The following SEMA3C variants were observed in gnomAD, a reference collection of about 807,000 sequenced individuals.
SEMA3C encodes the protein semaphorin-3C.
In SEMA3C, 47 loss-of-function variants were observed where a neutral mutation model predicts 89.4. That is an observed-to-expected ratio of 0.53 (90% CI 0.42 to 0.67). The LOEUF (loss-of-function observed/expected upper bound fraction) is 0.67. SEMA3C is among the 30% of genes least tolerant of loss of function. The pLI is 0.00. For synonymous variants in SEMA3C, 310 were observed against 320.2 expected (o/e 0.97, Z 0.34); for missense variants, 839 against 929.1 (o/e 0.90, Z 1.26).
chr7:80,867,719 T>TACACACAC (rs10641992), intron 2 of SEMA3C, among the ~76,000 whole-genome samples: 4,725 of 149,776 alleles, frequency 0.032, 202 homozygotes, highest in African/African-American at 0.095. Flanking sequence ...GTATAAATCA[T>TACACACAC]ACACACACAC....
At chr7:80,794,324 C>T (rs2115616960) in intron 11 of SEMA3C, among the ~76,000 whole-genome samples, 1 of 152,158 alleles carries the variant, frequency 6.6e-6, no homozygotes, top group Admixed American at 6.5e-5. Context: ...CTCCTCTAAA[C>T]TTTAATAATA....
At chr7:80,871,911 T>C (rs1791067417) in intron 2 of SEMA3C, among the ~76,000 whole-genome samples, 1 of 152,110 alleles carries the variant, frequency 6.6e-6, no homozygotes, top group African/African-American at 2.4e-5. Flanking sequence ...AAAATAACCA[T>C]AAAATGCATT....
rs1787735210 is a variant in SEMA3C, at chr7:80,743,794, T to G, written c.*1100A>C. 1 of 151,816 alleles carries G rather than the reference T, an allele frequency of 6.6e-6. No homozygotes were observed. The highest frequency in any genetic ancestry group is 1.5e-5 in the Non-Finnish European group (1 of 67,876). The allele number at this position is 151,816 out of a possible 1,614,324, so 9.4% of individuals were successfully genotyped here. ...GTCTCCTCATATTGTTTTCTTACTTTCTAGACATAACAAGCACCTTGCCAT... is the reference window on the plus strand; with the variant it reads ...GTCTCCTCATATTGTTTTCTTACTTGCTAGACATAACAAGCACCTTGCCAT... On this transcript the variant is annotated 3_prime_UTR_variant, in exon 18 of 18. Transcript: ENST00000265361.
intron 2 of SEMA3C, among the ~76,000 whole-genome samples, chr7:80,856,707 C>T (rs1790651123): frequency 6.6e-6 from 1 of 151,766 alleles, no homozygotes; most frequent in Non-Finnish European, 1.5e-5. Context: ...ATTATCTTAC[C>T]AACACTTCTG....
chr7:80,825,430 A>ATTCTAC (rs1789849376), intron 4 of SEMA3C, among the ~76,000 whole-genome samples: 1 of 152,222 alleles, frequency 6.6e-6, no homozygotes, highest in Admixed American at 6.5e-5. Context: ...AGAATTTAAA[A>ATTCTAC]TATCCACAAA....
intron 11 of SEMA3C, among the ~76,000 whole-genome samples, chr7:80,795,768 G>A (rs1458350800): frequency 2.6e-5 from 4 of 152,190 alleles, no homozygotes; most frequent in Non-Finnish European, 4.4e-5. Context: ...AGAGCCTGAT[G>A]AGAGGTAAGG....
rs758102779 is a variant in SEMA3C, at chr7:80,827,491, C to A, written c.265-4G>T. ...TTGTAGATGCTGGCCAGAAAACCTG[C>A]TCAGAAAGAAAAATAAAGGTTGCAT... On this transcript the variant is annotated splice_region_variant and splice_polypyrimidine_tract_variant and intron_variant, in intron 3 of 17. Coordinates refer to ENST00000265361, the MANE Select transcript of SEMA3C (RefSeq NM_006379.5). The A allele has an allele frequency of 6.3e-7, 1 of 1,594,088 alleles. No individual in the cohort carries two copies. The highest frequency in any genetic ancestry group is 2.3e-5 in the East Asian group (1 of 43,908).
chr7:80,898,468 C>T (rs1791794178), intron 2 of SEMA3C, among the ~76,000 whole-genome samples: 1 of 151,974 alleles, frequency 6.6e-6, no homozygotes, highest in East Asian at 1.9e-4. Context: ...ATAATAATAA[C>T]AGAAACAAAG....
intron 2 of SEMA3C, among the ~76,000 whole-genome samples, chr7:80,897,534 T>A (rs1334618625): frequency 6.6e-6 from 1 of 151,798 alleles, no homozygotes; most frequent in African/African-American, 2.4e-5. Context: ...TAAGTAAAAA[T>A]GAGAGGAGAT....
chr7:80,856,527 T>C (rs1297224986), intron 2 of SEMA3C, among the ~76,000 whole-genome samples: 2 of 139,498 alleles, frequency 1.4e-5, no homozygotes, highest in Non-Finnish European at 3.0e-5. Flanking sequence ...CAATTCTGCA[T>C]TGGTTAAGGA....
Position 80,789,542 on chromosome 7 carries a change from T to C in SEMA3C, c.1132-14A>G. On this transcript the variant is annotated splice_polypyrimidine_tract_variant and intron_variant, in intron 11 of 17. Transcript: ENST00000265361. ...TCCTCCTGGACACTAGAAAGAAAGT[T>C]TTAAAGAACCAAGTTAATAAAATAG... 1 of 1,537,040 alleles carries C rather than the reference T, an allele frequency of 6.5e-7. No homozygotes were observed. The highest frequency in any genetic ancestry group is 8.8e-7 in the Non-Finnish European group (1 of 1,134,128).
intron 14 of SEMA3C, among the ~76,000 whole-genome samples, chr7:80,761,335 A>G (rs1562863055): frequency 6.6e-6 from 1 of 152,134 alleles, no homozygotes; most frequent in East Asian, 1.9e-4. Context: ...GGCTTCACAC[A>G]CCGTAATATT....
chr7:80,834,847 C>T (rs974950603), intron 2 of SEMA3C, among the ~76,000 whole-genome samples: 3 of 152,152 alleles, frequency 2.0e-5, no homozygotes, highest in South Asian at 2.1e-4. Context: ...CTCCAGATTA[C>T]ATAAAATACC....
At chr7:80,907,124 C>T (rs1024558016) in intron 2 of SEMA3C, among the ~76,000 whole-genome samples, 2 of 152,018 alleles carry the variant, frequency 1.3e-5, no homozygotes, top group Non-Finnish European at 1.5e-5. Flanking sequence ...GTCACATCAG[C>T]AGGTTTTGAC....
intron 11 of SEMA3C, among the ~76,000 whole-genome samples, chr7:80,791,333 CA>C (rs1788936264): frequency 6.6e-6 from 1 of 152,110 alleles, no homozygotes; most frequent in Admixed American, 6.5e-5. Context: ...TTAATACATA[CA>C]AACATTATTA....
chr7:80,821,856 T>C (rs757026675), intron 4 of SEMA3C, among the ~76,000 whole-genome samples: 2 of 152,162 alleles, frequency 1.3e-5, no homozygotes, highest in Non-Finnish European at 2.9e-5. Flanking sequence ...ACTTGAACCA[T>C]GGCCACTCTC....
chr7:80,879,558 T>C (rs1791285031), intron 2 of SEMA3C, among the ~76,000 whole-genome samples: 1 of 152,298 alleles, frequency 6.6e-6, no homozygotes, highest in East Asian at 1.9e-4. Flanking sequence ...CTTCAGTCCA[T>C]GCATTCAGTT....
At chr7:80,907,338 T>C (rs1167295960) in intron 2 of SEMA3C, among the ~76,000 whole-genome samples, 1 of 152,040 alleles carries the variant, frequency 6.6e-6, no homozygotes, top group Non-Finnish European at 1.5e-5. Context: ...CCAAGCCCTC[T>C]GCTTGAAAAT....
intron 2 of SEMA3C, among the ~76,000 whole-genome samples, chr7:80,884,634 A>G (rs1791430224): frequency 6.6e-6 from 1 of 152,216 alleles, no homozygotes; most frequent in African/African-American, 2.4e-5. Flanking sequence ...GAATGTAAGC[A>G]GTTCACTCTC....
Sources: allele counts gnomAD v4.1 joint callset (sites outside exome capture counted in the v4.1 genomes callset), GRCh38; gene constraint gnomAD v4.1.1; transcripts MANE v1.5; gene names NCBI Gene and HGNC (gene_info 2026-07-23, HGNC 2026-07-21).